The following GAREM1 variants were observed in gnomAD, a reference collection of about 807,000 sequenced individuals.
GAREM1 encodes the protein GRB2-associated and regulator of MAPK protein 1.
GAREM1 carries 26 observed loss-of-function variants against 71.3 expected under a neutral mutation model. That is an observed-to-expected ratio of 0.36 (90% CI 0.27 to 0.51). GAREM1 has a LOEUF of 0.51. Among genes scored for constraint, GAREM1 ranks in the 20% least tolerant of loss-of-function variants. GAREM1 has a pLI of 0.95. For synonymous variants in GAREM1, 440 were observed against 433.2 expected (o/e 1.02, Z -0.20); for missense variants, 1,026 against 1,103.1 (o/e 0.93, Z 0.99).
chr18:32,373,080 T>C (rs1453018212), intron 2 of GAREM1, among the ~76,000 whole-genome samples: 7 of 152,178 alleles, frequency 4.6e-5, no homozygotes, highest in Admixed American at 1.3e-4. Context: ...CTGTAAACAA[T>C]AGAAGATTTA....
chr18:32,460,122 A>AG (rs2048940525), intron 1 of GAREM1, among the ~76,000 whole-genome samples: 1 of 151,630 alleles, frequency 6.6e-6, no homozygotes, highest in African/African-American at 2.4e-5. Context: ...ATTTAAAAAA[A>AG]AAAAAAAAAA....
intron 1 of GAREM1, among the ~76,000 whole-genome samples, chr18:32,464,479 AC>A (rs2048980879): frequency 6.6e-6 from 1 of 151,860 alleles, no homozygotes; most frequent in South Asian, 2.1e-4. Flanking sequence ...CAAAACGAGA[AC>A]CCATCTCTTT....
At chr18:32,299,340 C>T (rs974529336) in intron 3 of GAREM1, among the ~76,000 whole-genome samples, 1 of 151,878 alleles carries the variant, frequency 6.6e-6, no homozygotes, top group African/African-American at 2.4e-5. Flanking sequence ...TGGTGAAACC[C>T]TGTCTCTACT....
intron 2 of GAREM1, among the ~76,000 whole-genome samples, chr18:32,355,393 G>C (rs907206011): frequency 6.6e-6 from 1 of 151,916 alleles, no homozygotes; most frequent in Non-Finnish European, 1.5e-5. Context: ...ATTTGGAGTC[G>C]ATGCATTTTT....
intron 2 of GAREM1, 89 bp from the exon 3 acceptor site, chr18:32,310,412 C>T: frequency 7.4e-7 from 1 of 1,359,810 alleles, no homozygotes; most frequent in East Asian, 2.5e-5. Context: ...TTTACCCCAG[C>T]CCTTTTTTTG....
chr18:32,296,362 G>A (rs1598939030), intron 3 of GAREM1, among the ~76,000 whole-genome samples: 2 of 152,296 alleles, frequency 1.3e-5, no homozygotes, highest in East Asian at 3.9e-4. Context: ...CATGTTATGT[G>A]ACCATGGCAT....
chr18:32,310,191 A>G lies in GAREM1; in HGVS notation c.393+2T>C. The G allele has an allele frequency of 6.2e-7, 1 of 1,613,914 alleles. No homozygotes were observed. Among genetic ancestry groups the G allele is most frequent in the Non-Finnish European group, 8.5e-7 (1 of 1,179,936 alleles). ...AATATTTGGTGCTTCAAGAGCTACT[A>G]CCTTCACGTTGAATGTGATATCCTC... On this transcript the variant is annotated splice_donor_variant, in intron 3 of 5. Coordinates refer to ENST00000269209, the MANE Select transcript of GAREM1 (RefSeq NM_001242409.2). LOFTEE classifies it high-confidence loss of function.
rs140303840 is a variant in GAREM1, at chr18:32,439,229, T to C, written c.121+31079A>G. ...AATAGAATTCTAAGGCCCACTTTCT[T>C]CACCTATCATTACAATTTCAGTTAT... On this transcript the variant is annotated intron_variant, in intron 1 of 5. Transcript: ENST00000269209. 5.3e-3 allele frequency among the ~76,000 whole-genome samples: 810 copies of C among 152,268 alleles called. 21 individuals are homozygous for C. The highest frequency in any genetic ancestry group is 0.037 in the Admixed American group (569 of 15,280).
intron 3 of GAREM1, among the ~76,000 whole-genome samples, chr18:32,300,312 C>T (rs1159454379): frequency 6.6e-6 from 1 of 152,160 alleles, no homozygotes; most frequent in Non-Finnish European, 1.5e-5. Flanking sequence ...TTTCTGAATT[C>T]TTGAGATGGA....
intron 4 of GAREM1, among the ~76,000 whole-genome samples, chr18:32,282,590 T>C (rs2046966054): frequency 1.3e-5 from 2 of 152,096 alleles, no homozygotes; most frequent in Admixed American, 6.5e-5. Context: ...GGCTGGAGTA[T>C]AGTGGCACGA....
chr18:32,422,216 GC>G (rs2048525694), intron 1 of GAREM1, among the ~76,000 whole-genome samples: 1 of 151,022 alleles, frequency 6.6e-6, no homozygotes, highest in African/African-American at 2.4e-5. Flanking sequence ...TTCAATTCTC[GC>G]CTATGAGTGA....
At chr18:32,455,597 T>G (rs757475836) in intron 1 of GAREM1, among the ~76,000 whole-genome samples, 53 of 152,164 alleles carry the variant, frequency 3.5e-4, no homozygotes, top group Non-Finnish European at 6.0e-4. Flanking sequence ...CCAAAGCATC[T>G]GGACTATCCT....
At chr18:32,409,427 T>C (rs934938659) in intron 1 of GAREM1, among the ~76,000 whole-genome samples, 1 of 152,210 alleles carries the variant, frequency 6.6e-6, no homozygotes, top group Non-Finnish European at 1.5e-5. Flanking sequence ...AGTGAAATAA[T>C]TTTGTTTCTA....
chr18:32,443,999 G>C (rs1243836666), intron 1 of GAREM1, among the ~76,000 whole-genome samples: 2 of 152,134 alleles, frequency 1.3e-5, no homozygotes, highest in African/African-American at 4.8e-5. Context: ...TATGTTCAGT[G>C]TAAGAAGTCA....
At chr18:32,335,441 T>C (rs112732109) in intron 2 of GAREM1, among the ~76,000 whole-genome samples, 1,925 of 152,306 alleles carry the variant, frequency 0.013, 19 homozygotes, top group Non-Finnish European at 0.02. Context: ...GGTCTCATTA[T>C]GGAGTTACCT....
At chr18:32,310,161 G>T (rs767617791) in intron 3 of GAREM1, 32 bp downstream of exon 3, 1 of 1,609,736 alleles carries the variant, frequency 6.2e-7, no homozygotes, top group South Asian at 1.1e-5. Context: ...TCTTTAGTGA[G>T]TATAAATATT....
intron 2 of GAREM1, among the ~76,000 whole-genome samples, chr18:32,383,142 T>C (rs1032696573): frequency 3.3e-5 from 5 of 152,232 alleles, no homozygotes; most frequent in African/African-American, 9.6e-5. Context: ...AACCCTACGG[T>C]GTTCTGTAAA....
chr18:32,463,516 A>G (rs1391121833), intron 1 of GAREM1, among the ~76,000 whole-genome samples: 2 of 152,076 alleles, frequency 1.3e-5, no homozygotes, highest in African/African-American at 2.4e-5. Flanking sequence ...AACTGGAAGT[A>G]AGTGAAAGTA....
intron 2 of GAREM1, among the ~76,000 whole-genome samples, chr18:32,349,056 A>G (rs2047723201): frequency 6.6e-6 from 1 of 152,214 alleles, no homozygotes; most frequent in African/African-American, 2.4e-5. Flanking sequence ...CTGTAAAATT[A>G]TAGTCAGACT....
Sources: gnomAD v4.1 joint callset for allele counts (sites outside exome capture counted in the v4.1 genomes callset) on GRCh38, gnomAD v4.1.1 for gene constraint, MANE v1.5 for transcripts, NCBI Gene and HGNC (gene_info 2026-07-23, HGNC 2026-07-21) for gene names.